Variants in DYM observed in about 807,000 individuals in gnomAD.
The protein encoded by DYM is dymeclin.
DYM carries 78 observed loss-of-function variants against 93.1 expected under a neutral mutation model. The observed-to-expected ratio is 0.84, with a 90% CI of 0.70 to 1.01. The LOEUF is 1.01. DYM is among the 50% of genes least tolerant of loss of function. The probability of loss-of-function intolerance (pLI) is 0.00; values close to 1 mark genes in which losing one functional copy is unlikely to be tolerated. For missense variants in DYM, 789 were observed against 845.0 expected, an observed-to-expected ratio of 0.93 and a Z score of 0.82; for synonymous variants, 321 against 319.7, an observed-to-expected ratio of 1.00 and a Z score of -0.04.
In DYM at chr18:49,215,911, G is replaced by T. The variant is rs1250662725; in HGVS notation, c.1461-6196C>A. On this transcript the variant is annotated intron_variant, in intron 13 of 17. Transcript: ENST00000675505. ...CCAGACAGTGGGTGCAGGACAGTGGGTGCAGCGCACCGTGCGGGAGCCGAA... is the reference window on the plus strand; with the variant it reads ...CCAGACAGTGGGTGCAGGACAGTGGTTGCAGCGCACCGTGCGGGAGCCGAA... Among the ~76,000 whole-genome samples the T allele has an allele frequency of 2.6e-5, 4 of 152,238 alleles. No individual in the cohort carries two copies. In the East Asian group the frequency reaches 7.7e-4, roughly 29 times the overall value.
intron 2 of DYM, chr18:49,411,948 A>T (rs1167882847): frequency 2.0e-5 from 3 of 152,176 alleles, no homozygotes; most frequent in African/African-American, 7.2e-5. Context: ...AACTAACAAG[A>T]ATCAGCCAAT....
chr18:49,232,565 G>A (rs2093730053), intron 13 of DYM, among the ~76,000 whole-genome samples: 1 of 146,498 alleles, frequency 6.8e-6, no homozygotes. Context: ...GGCCTCCAAA[G>A]TGCTGGGATT....
intron 17 of DYM, among the ~76,000 whole-genome samples, chr18:49,075,754 TTGA>T (rs1206780857): frequency 6.6e-6 from 1 of 152,192 alleles, no homozygotes; most frequent in African/African-American, 2.4e-5. Context: ...AGTTTAACTT[TTGA>T]GGTGGGGAAA....
chr18:49,180,137 C>T (rs1363990456), intron 14 of DYM, among the ~76,000 whole-genome samples: 4 of 152,056 alleles, frequency 2.6e-5, no homozygotes, highest in Non-Finnish European at 5.9e-5. Flanking sequence ...ATTAAAGAAT[C>T]TAATCTGTTC....
intron 16 of DYM, among the ~76,000 whole-genome samples, chr18:49,103,927 A>G (rs2145700598): frequency 6.6e-6 from 1 of 151,642 alleles, no homozygotes; most frequent in Admixed American, 6.6e-5. Flanking sequence ...ACTTCAAAGT[A>G]GTTTTTTCCA....
chr18:49,106,482 T>C (rs966924837), intron 16 of DYM, among the ~76,000 whole-genome samples: 1 of 152,220 alleles, frequency 6.6e-6, no homozygotes, highest in Non-Finnish European at 1.5e-5. Flanking sequence ...TGTTAGTCGA[T>C]GCAGTTTCTT....
intron 13 of DYM, among the ~76,000 whole-genome samples, chr18:49,243,677 AAAAAG>A (rs889837561): frequency 4.6e-5 from 7 of 151,176 alleles, no homozygotes; most frequent in Admixed American, 1.3e-4. Flanking sequence ...AAAAAAAAAA[AAAAAG>A]AAAAAAGAAA....
chr18:49,411,254 T>C (rs897408664), intron 2 of DYM, among the ~76,000 whole-genome samples: 10 of 152,234 alleles, frequency 6.6e-5, no homozygotes, highest in Non-Finnish European at 1.2e-4. Context: ...TAGTTGGAAT[T>C]TCTATATATT....
chr18:49,161,528 C>T (rs1284996937), intron 15 of DYM, among the ~76,000 whole-genome samples: 1 of 152,068 alleles, frequency 6.6e-6, no homozygotes, highest in Non-Finnish European at 1.5e-5. Flanking sequence ...TTTTGGTAAA[C>T]CCAACTCCCC....
intron 13 of DYM, among the ~76,000 whole-genome samples, chr18:49,228,924 C>T (rs1044456137): frequency 3.3e-5 from 5 of 152,244 alleles, no homozygotes; most frequent in Admixed American, 3.3e-4. Flanking sequence ...ATTTATCTCA[C>T]ATCTGAATAA....
Position 49,088,117 on chromosome 18 carries a change from T to G in DYM, c.2025+9285A>C, listed in dbSNP as rs538047905. 2.4e-3 allele frequency among the ~76,000 whole-genome samples: 366 copies of G among 152,248 alleles called. 2 individuals carry two copies. The highest frequency in any genetic ancestry group is 6.3e-3 in the African/African-American group (263 of 41,540). On this transcript the variant is annotated intron_variant, in intron 17 of 17. Coordinates refer to ENST00000675505, the MANE Select transcript of DYM (RefSeq NM_001353214.3). ...TTTGCTGTGCAGAAGCTCTTTAGTT[T>G]AATTAGATCCCATTTGTCAATTTTG... is the stretch of plus-strand genomic sequence containing the variant.
At chr18:49,055,997 G>A (rs917484605) in intron 17 of DYM, among the ~76,000 whole-genome samples, 6 of 152,110 alleles carry the variant, frequency 3.9e-5, no homozygotes, top group Non-Finnish European at 5.9e-5. Context: ...ACACTGCCAC[G>A]GCAGCTGAGG....
At chr18:49,419,443 T>A (rs2073383176) in intron 2 of DYM, among the ~76,000 whole-genome samples, 1 of 152,054 alleles carries the variant, frequency 6.6e-6, no homozygotes, top group Admixed American at 6.6e-5. Flanking sequence ...CATAATAACT[T>A]AAACTGTGAG....
chr18:49,319,155 C>T (rs1290013460), intron 8 of DYM, among the ~76,000 whole-genome samples: 1 of 152,164 alleles, frequency 6.6e-6, no homozygotes, highest in Non-Finnish European at 1.5e-5. Flanking sequence ...CAAAGCTTTA[C>T]ACTTTCAAAC....
In DYM at chr18:49,341,491, C is replaced by CAA. The variant is rs10578063; in HGVS notation, c.495-7640_495-7639dup. Among the ~76,000 whole-genome samples, 472 of 64,928 alleles carry CAA rather than the reference C, an allele frequency of 7.3e-3. 30 individuals are homozygous for CAA. Among genetic ancestry groups the CAA allele is most frequent in the African/African-American group, 0.033 (442 of 13,492 alleles). The allele number at this position is 64,928 out of a possible 152,430, so 42.6% of individuals were successfully genotyped here. A position where few individuals can be genotyped will look rare whatever the true frequency, so the allele number is the denominator to read the frequency against. On this transcript the variant is annotated intron_variant, in intron 6 of 17. Transcript: ENST00000675505. ...TGGGCTACAGAGTGAGACTCCATCG[C>CAA]AAAAAAAAAAAAAAAAAAAAAAAAA...
intron 1 of DYM, among the ~76,000 whole-genome samples, chr18:49,445,408 A>T (rs1053071684): frequency 1.3e-5 from 2 of 152,288 alleles, no homozygotes; most frequent in Non-Finnish European, 2.9e-5. Context: ...TTCATGAAGC[A>T]AGAGTAGGAT....
At chr18:49,407,753 C>T (rs1037945761) in intron 2 of DYM, among the ~76,000 whole-genome samples, 1 of 152,066 alleles carries the variant, frequency 6.6e-6, no homozygotes, top group Admixed American at 6.5e-5. Context: ...ATATCCAAAC[C>T]GTATCACTGA....
intron 13 of DYM, among the ~76,000 whole-genome samples, chr18:49,248,440 C>T (rs900894653): frequency 3.3e-5 from 5 of 152,140 alleles, no homozygotes; most frequent in African/African-American, 9.7e-5. Flanking sequence ...TTAACTCTTA[C>T]ACCACTCAAA....
chr18:49,220,616 C>A (rs1024274165), intron 13 of DYM, among the ~76,000 whole-genome samples: 2 of 152,044 alleles, frequency 1.3e-5, no homozygotes, highest in Non-Finnish European at 2.9e-5. Context: ...CTACAACTAT[C>A]TGATCGTTGA....
Sources: allele counts gnomAD v4.1 joint callset (sites outside exome capture counted in the v4.1 genomes callset), GRCh38; gene constraint gnomAD v4.1.1; transcripts MANE v1.5; gene names NCBI Gene and HGNC (gene_info 2026-07-23, HGNC 2026-07-21).